TCF7L2: variants seen among roughly 807,000 people sequenced by gnomAD.
TCF7L2 encodes transcription factor 7-like 2.
TCF7L2 carries 23 observed loss-of-function variants against 77.9 expected under a neutral mutation model. That is an observed-to-expected ratio of 0.30 (90% CI 0.21 to 0.42). The LOEUF (loss-of-function observed/expected upper bound fraction) is 0.42. Ranked by LOEUF, TCF7L2 falls within the 10% of genes least tolerant of loss-of-function variation. The probability of loss-of-function intolerance (pLI) is 1.00; values close to 1 mark genes in which losing one functional copy is unlikely to be tolerated. For synonymous variants in TCF7L2, 413 were observed against 340.2 expected, an observed-to-expected ratio of 1.21 and a Z score of -2.36; for missense variants, 654 against 793.1, an observed-to-expected ratio of 0.82 and a Z score of 2.11.
chr10:113,163,212 G>T (rs746388640), intron 13 of TCF7L2, among the ~76,000 whole-genome samples: 1 of 152,148 alleles, frequency 6.6e-6, no homozygotes, highest in South Asian at 2.1e-4. Context: ...ATGAGGGTGG[G>T]AGGGGTGAGG....
At chr10:113,021,662 T>C (rs1167840629) in intron 4 of TCF7L2, among the ~76,000 whole-genome samples, 1 of 152,236 alleles carries the variant, frequency 6.6e-6, no homozygotes, top group African/African-American at 2.4e-5. Flanking sequence ...CAGGAAGTAG[T>C]TGGTGGCCTG....
chr10:113,140,436 G>A (rs954840918), intron 5 of TCF7L2, among the ~76,000 whole-genome samples: 1 of 152,088 alleles, frequency 6.6e-6, no homozygotes, highest in Non-Finnish European at 1.5e-5. Context: ...TTTCTAAAAT[G>A]CATACCTTTT....
chr10:113,134,618 A>G (rs562473204), intron 5 of TCF7L2, among the ~76,000 whole-genome samples: 16 of 152,220 alleles, frequency 1.1e-4, no homozygotes, highest in Middle Eastern at 3.2e-3. Context: ...CCAACTTACC[A>G]CATCTTCAGT....
intron 5 of TCF7L2, among the ~76,000 whole-genome samples, chr10:113,112,732 G>A (rs1035293421): frequency 4.6e-5 from 7 of 152,146 alleles, no homozygotes; most frequent in Non-Finnish European, 1.0e-4. Context: ...GAATGGGATC[G>A]TACTGTCCTG....
At chr10:112,987,631 T>C (rs1022769324) in intron 4 of TCF7L2, 30 of 152,014 alleles carry the variant, frequency 2.0e-4, no homozygotes, top group African/African-American at 7.2e-4. Context: ...AATTTGAAAT[T>C]ACCGATCATC....
chr10:112,971,016 C>T (rs1279992617), intron 4 of TCF7L2, among the ~76,000 whole-genome samples: 1 of 152,160 alleles, frequency 6.6e-6, no homozygotes, highest in Admixed American at 6.5e-5. Context: ...GGTTCATTGA[C>T]TTGCTATGGT....
At chr10:113,152,179 C>A (rs1592356263) in intron 10 of TCF7L2, among the ~76,000 whole-genome samples, 154 bp from the exon 11 acceptor site, 1 of 152,156 alleles carries the variant, frequency 6.6e-6, no homozygotes, top group Admixed American at 6.5e-5. Flanking sequence ...AGGACCCAGC[C>A]GACGGTCAGT....
chr10:113,017,658 C>A (rs2047577907), intron 4 of TCF7L2, among the ~76,000 whole-genome samples: 3 of 152,194 alleles, frequency 2.0e-5, no homozygotes, highest in African/African-American at 2.4e-5. Context: ...TGCCCTCCAT[C>A]CAGTGTCCTT....
At chr10:113,127,554 T>TTTG (rs138923435) in intron 5 of TCF7L2, among the ~76,000 whole-genome samples, 2 of 152,106 alleles carry the variant, frequency 1.3e-5, no homozygotes, top group Non-Finnish European at 2.9e-5. Flanking sequence ...TCGTTTTTGT[T>TTTG]TTGTTGTTGT....
At chr10:113,046,260 C>A (rs1249337525) in intron 5 of TCF7L2, among the ~76,000 whole-genome samples, 1 of 152,150 alleles carries the variant, frequency 6.6e-6, no homozygotes, top group East Asian at 1.9e-4. Flanking sequence ...GTAGCCCCTG[C>A]ATGTTGGAAT....
At chr10:112,994,375 G>A (rs1359133906) in intron 4 of TCF7L2, among the ~76,000 whole-genome samples, 1 of 152,164 alleles carries the variant, frequency 6.6e-6, no homozygotes, top group Non-Finnish European at 1.5e-5. Flanking sequence ...GGTTCTCAAG[G>A]TTCATCCAGT....
intron 5 of TCF7L2, chr10:113,129,212 C>A: frequency 1.6e-6 from 1 of 627,162 alleles, no homozygotes; most frequent in Non-Finnish European, 2.0e-6. Flanking sequence ...TCCTCCCTCC[C>A]CTCTCCCATC....
intron 4 of TCF7L2, among the ~76,000 whole-genome samples, 163 bp from the exon 5 acceptor site, chr10:113,039,862 A>G (rs559969863): frequency 1.3e-5 from 2 of 151,826 alleles, no homozygotes; most frequent in Non-Finnish European, 2.9e-5. Flanking sequence ...TCTGAGGAAG[A>G]CCCTATTGGA....
intron 4 of TCF7L2, among the ~76,000 whole-genome samples, chr10:113,024,652 G>T (rs1369421608): frequency 8.3e-6 from 1 of 120,684 alleles, no homozygotes. Flanking sequence ...AGAGTTTCAC[G>T]CTTGTTCCCC....
intron 4 of TCF7L2, among the ~76,000 whole-genome samples, chr10:113,023,624 A>G (rs2048595026): frequency 6.6e-6 from 1 of 152,042 alleles, no homozygotes; most frequent in Non-Finnish European, 1.5e-5. Flanking sequence ...GGTGTGCACC[A>G]CCACACCCAG....
At chr10:113,042,060 T>G (rs1199242581) in intron 5 of TCF7L2, among the ~76,000 whole-genome samples, 2 of 151,546 alleles carry the variant, frequency 1.3e-5, no homozygotes, top group East Asian at 1.9e-4. Flanking sequence ...GGAGTGGGGG[T>G]TTGTCCATTT....
At chr10:113,146,922 G>A (rs1436287955) in intron 8 of TCF7L2, among the ~76,000 whole-genome samples, 1 of 151,984 alleles carries the variant, frequency 6.6e-6, no homozygotes, top group Non-Finnish European at 1.5e-5. Context: ...ATGTGTGTGT[G>A]TGCTGTACAT....
Position 113,063,445 on chromosome 10 carries a change from G to C in TCF7L2, c.552+23319G>C, listed in dbSNP as rs550736120. On this transcript the variant is annotated intron_variant, in intron 5 of 13. Transcript: ENST00000627217. ...TGAAGTCATGGCATTTTACAGTGCT[G>C]GTGAATGGATTGAGATTGTGGTGGC... Among the ~76,000 whole-genome samples, 6 of 152,246 alleles carry C rather than the reference G, an allele frequency of 3.9e-5. No homozygotes were observed. In the East Asian group the frequency reaches 1.2e-3, roughly 29 times the overall value.
Position 113,085,400 on chromosome 10 carries a change from A to T in TCF7L2, c.552+45274A>T, listed in dbSNP as rs370975247. Among the ~76,000 whole-genome samples, 58 of 151,852 alleles carry T rather than the reference A, an allele frequency of 3.8e-4. No individual in the cohort carries two copies. In the South Asian group the frequency reaches 0.012, roughly 31 times the overall value. On this transcript the variant is annotated intron_variant, in intron 5 of 13. Transcript: ENST00000627217. ...TGACATTATTTCATACAAAATTCTCATCTCTGGAGGCCTTTGTATTTTTAG... is the reference window on the plus strand; with the variant it reads ...TGACATTATTTCATACAAAATTCTCTTCTCTGGAGGCCTTTGTATTTTTAG...
Sources: allele counts gnomAD v4.1 joint callset (sites outside exome capture counted in the v4.1 genomes callset), GRCh38; gene constraint gnomAD v4.1.1; transcripts MANE v1.5; gene names NCBI Gene and HGNC (gene_info 2026-07-23, HGNC 2026-07-21).